Variants in MGAT5 observed in about 807,000 individuals in gnomAD.
MGAT5 encodes the protein alpha-1,6-mannosylglycoprotein 6-beta-N-acetylglucosaminyltransferase A.
A neutral mutation model predicts 94.3 loss-of-function variants in MGAT5; 30 were observed. The observed-to-expected ratio is 0.32, with a 90% confidence interval of 0.24 to 0.43. The LOEUF (loss-of-function observed/expected upper bound fraction) is 0.43, where lower values mean the gene tolerates loss of function less well. Ranked by LOEUF, MGAT5 falls within the 20% of genes least tolerant of loss-of-function variation. The pLI, the probability that MGAT5 is intolerant of heterozygous loss-of-function variation, is 1.00. For missense variants in MGAT5, 691 were observed against 905.5 expected (o/e 0.76, Z 3.04); for synonymous variants, 310 against 322.9 (o/e 0.96, Z 0.43).
intron 1 of MGAT5, among the ~76,000 whole-genome samples, chr2:134,239,232 T>G (rs1018731407): frequency 2.0e-5 from 3 of 152,110 alleles, no homozygotes; most frequent in African/African-American, 7.2e-5. Context: ...TCTCCTGACC[T>G]CATGATCCAC....
intron 4 of MGAT5, among the ~76,000 whole-genome samples, chr2:134,335,150 A>C (rs1688257520): frequency 6.6e-6 from 1 of 152,098 alleles, no homozygotes; most frequent in Non-Finnish European, 1.5e-5. Context: ...TGTTTCTTTG[A>C]AAACTTACCC....
At chr2:134,129,464 G>GC (rs1686014062) in intron 1 of MGAT5, among the ~76,000 whole-genome samples, 1 of 152,108 alleles carries the variant, frequency 6.6e-6, no homozygotes, top group South Asian at 2.1e-4. Context: ...ATCTTTGGGG[G>GC]CCCCTTTTCT....
chr2:134,190,834 A>G (rs903109935), intron 1 of MGAT5, among the ~76,000 whole-genome samples: 3 of 152,022 alleles, frequency 2.0e-5, no homozygotes, highest in African/African-American at 7.3e-5. Flanking sequence ...TTTTTAATAG[A>G]GATGGGGTTT....
At chr2:134,330,228 C>G (rs1270547587) in intron 4 of MGAT5, among the ~76,000 whole-genome samples, 3 of 152,128 alleles carry the variant, frequency 2.0e-5, no homozygotes, top group Non-Finnish European at 4.4e-5. Flanking sequence ...TGATCCAACT[C>G]TAAAGTAGAT....
At chr2:134,383,532 G>T (rs1217534202) in intron 10 of MGAT5, among the ~76,000 whole-genome samples, 1 of 152,108 alleles carries the variant, frequency 6.6e-6, no homozygotes, top group Non-Finnish European at 1.5e-5. Context: ...AAATTGTTTT[G>T]TTCCTGCTGG....
chr2:134,433,219 G>C (rs1160658391), intron 14 of MGAT5, among the ~76,000 whole-genome samples: 1 of 152,192 alleles, frequency 6.6e-6, no homozygotes, highest in Non-Finnish European at 1.5e-5. Flanking sequence ...AAATGTGTCA[G>C]AACTGATTTT....
chr2:134,383,569 TG>T (rs1315133599), intron 10 of MGAT5, among the ~76,000 whole-genome samples: 1 of 152,240 alleles, frequency 6.6e-6, no homozygotes, highest in Non-Finnish European at 1.5e-5. Flanking sequence ...TAAATACTGC[TG>T]TTGTCCACTT....
intron 13 of MGAT5, 37 bp from the exon 14 acceptor site, chr2:134,428,328 T>A (rs1027531757): frequency 1.3e-6 from 2 of 1,596,666 alleles, no homozygotes; most frequent in East Asian, 4.5e-5. Context: ...ATGTTCTCTG[T>A]CCTTCTCCTT....
Position 134,301,342 on chromosome 2 carries a change from CCTGT to C in MGAT5, c.407-16184_407-16181del, listed in dbSNP as rs1686006996. 1.3e-5 allele frequency among the ~76,000 whole-genome samples: 2 copies of C among 151,998 alleles called. 1 individual carries two copies. The highest frequency in any genetic ancestry group is 4.2e-4 in the South Asian group (2 of 4,816). On this transcript the variant is annotated intron_variant, in intron 2 of 15. Coordinates refer to ENST00000281923, the MANE Select transcript of MGAT5 (RefSeq NM_002410.5). Reference sequence around the variant, plus strand: ...AATAATGCTGCTAGAGACACATGAGCCTGTCTTTTTTTCTAAGTAGTAGATTCTA... The same window carrying C: ...AATAATGCTGCTAGAGACACATGAGCCTTTTTTTCTAAGTAGTAGATTCTA...
intron 1 of MGAT5, among the ~76,000 whole-genome samples, chr2:134,129,402 C>A (rs1262875187): frequency 1.3e-5 from 2 of 152,176 alleles, no homozygotes; most frequent in Non-Finnish European, 2.9e-5. Flanking sequence ...ATAATGCCAT[C>A]TCCCTGTAAG....
chr2:134,250,375 G>C (rs1682523649), upstream of MGAT5, among the ~76,000 whole-genome samples: 1 of 152,166 alleles, frequency 6.6e-6, no homozygotes, highest in African/African-American at 2.4e-5. Flanking sequence ...AAGGTCTGGA[G>C]GTAGGCATCT....
At chr2:134,176,572 T>TAAAAAAAA (rs66689362) in intron 1 of MGAT5, among the ~76,000 whole-genome samples, 65 of 83,294 alleles carry the variant, frequency 7.8e-4, no homozygotes, top group Non-Finnish European at 1.0e-3. Context: ...GACTCTGTCT[T>TAAAAAAAA]AAAAAAAAAA....
chr2:134,293,976 C>G (rs1427095209), intron 2 of MGAT5, among the ~76,000 whole-genome samples: 5 of 152,070 alleles, frequency 3.3e-5, no homozygotes, highest in African/African-American at 4.8e-5. Flanking sequence ...GTAACTTGCC[C>G]CCTTTGTTCG....
chr2:134,184,235 T>A (rs1204928402), intron 1 of MGAT5, among the ~76,000 whole-genome samples: 3 of 152,232 alleles, frequency 2.0e-5, no homozygotes, highest in African/African-American at 7.2e-5. Flanking sequence ...ATCATGTTGC[T>A]TGTGAGTTTC....
intron 14 of MGAT5, among the ~76,000 whole-genome samples, chr2:134,436,904 CCTT>C (rs1349540226): frequency 6.6e-6 from 1 of 152,230 alleles, no homozygotes; most frequent in African/African-American, 2.4e-5. Context: ...CCAGTCTGCT[CCTT>C]CTGACTTGAA....
chr2:134,441,204 G>A (rs1237557852), intron 14 of MGAT5, among the ~76,000 whole-genome samples: 1 of 152,218 alleles, frequency 6.6e-6, no homozygotes, highest in Non-Finnish European at 1.5e-5. Context: ...GGTGTCAGAA[G>A]TGTCTGCAGT....
chr2:134,169,913 G>A (rs893874120), intron 1 of MGAT5, among the ~76,000 whole-genome samples: 1 of 152,102 alleles, frequency 6.6e-6, no homozygotes, highest in Non-Finnish European at 1.5e-5. Context: ...AGATTTGAAA[G>A]CATTGGTGAA....
At chr2:134,396,839 G>C (rs1682742266) in intron 10 of MGAT5, among the ~76,000 whole-genome samples, 1 of 152,256 alleles carries the variant, frequency 6.6e-6, no homozygotes, top group African/African-American at 2.4e-5. Flanking sequence ...TGACAGTGCA[G>C]CCCAAGCAGG....
intron 2 of MGAT5, among the ~76,000 whole-genome samples, chr2:134,274,084 T>C (rs1224509168): frequency 6.6e-6 from 1 of 152,240 alleles, no homozygotes; most frequent in African/African-American, 2.4e-5. Context: ...TGTGGTTCTT[T>C]GTCATGTACC....
Sources: gnomAD v4.1 joint callset for allele counts (sites outside exome capture counted in the v4.1 genomes callset) on GRCh38, gnomAD v4.1.1 for gene constraint, MANE v1.5 for transcripts, NCBI Gene and HGNC (gene_info 2026-07-23, HGNC 2026-07-21) for gene names.